The following STEAP1B variants were observed in gnomAD, a reference collection of about 807,000 sequenced individuals.
The protein encoded by STEAP1B is STEAP family protein MGC87042.
In STEAP1B, 13 loss-of-function variants were observed where a neutral mutation model predicts 27.9. The observed-to-expected ratio is 0.47, with a 90% CI of 0.30 to 0.74. The LOEUF (loss-of-function observed/expected upper bound fraction) is 0.74. STEAP1B is among the 30% of genes least tolerant of loss of function. The pLI, the probability that STEAP1B is intolerant of heterozygous loss-of-function variation, is 0.06. For missense variants in STEAP1B, 250 were observed against 298.7 expected, an observed-to-expected ratio of 0.84 and a Z score of 1.20; for synonymous variants, 86 against 107.1, an observed-to-expected ratio of 0.80 and a Z score of 1.22.
At chr7:22,452,306 G>C (rs948392295) in intron 4 of STEAP1B, among the ~76,000 whole-genome samples, 1 of 152,112 alleles carries the variant, frequency 6.6e-6, no homozygotes, top group African/African-American at 2.4e-5. Flanking sequence ...GAACGCTCCT[G>C]AGACCCTCCA....
intron 4 of STEAP1B, among the ~76,000 whole-genome samples, chr7:22,439,507 T>C (rs1234210250): frequency 6.6e-6 from 1 of 152,136 alleles, no homozygotes; most frequent in East Asian, 1.9e-4. Flanking sequence ...ACGTCTGACA[T>C]TGTTGGGACT....
At position 22,419,855 on chromosome 7, in the gene STEAP1B, G is replaced by C; in HGVS notation, c.763-19C>G. The C allele has an allele frequency of 6.5e-7, 1 of 1,549,240 alleles. No individual in the cohort carries two copies. Among genetic ancestry groups the C allele is most frequent in the Non-Finnish European group, 8.7e-7 (1 of 1,145,510 alleles). On this transcript the variant is annotated intron_variant, in intron 4 of 4. Transcript: ENST00000678116. The stretch of plus-strand genomic sequence containing the variant: ...CATGTACCTGGAAGGCAGACAGCAA[G>C]AAAGAGTTGATGTATAGAAGTAGTG...
intron 4 of STEAP1B, among the ~76,000 whole-genome samples, chr7:22,429,878 C>A (rs1785156028): frequency 6.6e-6 from 1 of 151,966 alleles, no homozygotes; most frequent in African/African-American, 2.4e-5. Context: ...AGGCCTGACA[C>A]AGGTTGGGCA....
intron 4 of STEAP1B, among the ~76,000 whole-genome samples, chr7:22,483,452 C>T (rs1041456725): frequency 6.6e-6 from 1 of 152,190 alleles, no homozygotes; most frequent in Non-Finnish European, 1.5e-5. Context: ...AGGCATTCCT[C>T]GTTTTCTGCT....
chr7:22,461,450 AG>A (rs1163019055), intron 4 of STEAP1B, among the ~76,000 whole-genome samples: 2 of 151,998 alleles, frequency 1.3e-5, no homozygotes, highest in Non-Finnish European at 2.9e-5. Flanking sequence ...TTTAGTAGAG[AG>A]GGGGTTTCAC....
chr7:22,446,899 G>A (rs965649610), intron 4 of STEAP1B, among the ~76,000 whole-genome samples: 1 of 152,182 alleles, frequency 6.6e-6, no homozygotes, highest in Non-Finnish European at 1.5e-5. Flanking sequence ...CTGGCACATT[G>A]TAGAAACTTG....
Position 22,419,535 on chromosome 7 carries a change from G to A in STEAP1B, c.*269C>T, listed in dbSNP as rs984105626. The A allele has an allele frequency of 1.7e-5, 5 of 297,604 alleles. No homozygotes were observed. Among genetic ancestry groups the A allele is most frequent in the Non-Finnish European group, 2.5e-5 (4 of 160,744 alleles). The allele number at this position is 297,604 out of a possible 1,614,324, so 18.4% of individuals were successfully genotyped here. A position where few individuals can be genotyped will look rare whatever the true frequency, so the allele number is the denominator to read the frequency against. On this transcript the variant is annotated 3_prime_UTR_variant, in exon 5 of 5. Transcript: ENST00000678116. The stretch of plus-strand genomic sequence containing the variant: ...TTATCATGTCTGATCCTCGTGTCGG[G>A]ATAGGCTAGGTTAGGCTCCGTAACA...
chr7:22,447,473 T>C (rs770947473), intron 4 of STEAP1B, among the ~76,000 whole-genome samples: 13 of 152,240 alleles, frequency 8.5e-5, no homozygotes, highest in Non-Finnish European at 1.5e-5. Flanking sequence ...ATATTTTATA[T>C]AATACATAGT....
chr7:22,492,852 A>C (rs1038345432), intron 3 of STEAP1B, 123 bp from the exon 4 acceptor site: 1 of 1,409,612 alleles, frequency 7.1e-7, no homozygotes. Flanking sequence ...CCACAAATTT[A>C]TGACTTTTTC....
chr7:22,454,858 T>TATAAATATAAATATAA (rs1785550780), intron 4 of STEAP1B, among the ~76,000 whole-genome samples: 1 of 67,828 alleles, frequency 1.5e-5, no homozygotes, highest in African/African-American at 7.1e-5. Flanking sequence ...TGTATATATA[T>TATAAATATAAATATAA]ATATATATTT....
chr7:22,482,830 T>C (rs2128414217), intron 4 of STEAP1B, among the ~76,000 whole-genome samples: 1 of 152,314 alleles, frequency 6.6e-6, no homozygotes, highest in Admixed American at 6.5e-5. Flanking sequence ...CACACACTCC[T>C]ACTAGCAATC....
intron 4 of STEAP1B, among the ~76,000 whole-genome samples, chr7:22,430,960 C>T (rs1363943102): frequency 6.6e-6 from 1 of 152,234 alleles, no homozygotes; most frequent in African/African-American, 2.4e-5. Context: ...GTCTCCCTGT[C>T]ACTGACATTG....
At chr7:22,443,956 C>T (rs1785371542) in intron 4 of STEAP1B, among the ~76,000 whole-genome samples, 1 of 152,352 alleles carries the variant, frequency 6.6e-6, no homozygotes, top group African/African-American at 2.4e-5. Flanking sequence ...CATAAACTGA[C>T]CCTCAGGGGG....
chr7:22,476,545 A>G (rs990108739), intron 4 of STEAP1B, among the ~76,000 whole-genome samples: 9 of 152,218 alleles, frequency 5.9e-5, no homozygotes, highest in Non-Finnish European at 2.9e-5. Context: ...AATCCCCTGT[A>G]TAGTCCACAT....
chr7:22,440,341 C>T (rs960607134), intron 4 of STEAP1B, among the ~76,000 whole-genome samples: 2 of 152,104 alleles, frequency 1.3e-5, no homozygotes, highest in African/African-American at 4.8e-5. Context: ...TTCAATTTTA[C>T]AACATTTAAC....
chr7:22,469,297 T>C lies in STEAP1B; in HGVS notation c.762+23268A>G, dbSNP rs1785839554. ...GGGATATAATGATGTTATACAGCTG[T>C]ACAGCATGTTTTAAGCTAAGTGTTA... On this transcript the variant is annotated intron_variant, in intron 4 of 4. Coordinates refer to ENST00000678116, the MANE Select transcript of STEAP1B (RefSeq NM_001382447.1). Among the ~76,000 whole-genome samples the C allele has an allele frequency of 3.3e-5, 5 of 152,348 alleles. No homozygotes were observed. In the South Asian group the frequency reaches 1.0e-3, roughly 32 times the overall value.
chr7:22,457,378 A>G (rs1205133104), intron 4 of STEAP1B, among the ~76,000 whole-genome samples: 8 of 152,216 alleles, frequency 5.3e-5, no homozygotes. Context: ...AATTGTTACA[A>G]TTAGCCAATT....
At chr7:22,427,866 G>C (rs1421716404) in intron 4 of STEAP1B, among the ~76,000 whole-genome samples, 1 of 152,198 alleles carries the variant, frequency 6.6e-6, no homozygotes, top group Non-Finnish European at 1.5e-5. Context: ...AGAAATAGTA[G>C]AAATCAAAGA....
chr7:22,421,010 A>C (rs1032707196), intron 4 of STEAP1B, among the ~76,000 whole-genome samples: 4 of 152,258 alleles, frequency 2.6e-5, no homozygotes, highest in Non-Finnish European at 5.9e-5. Flanking sequence ...TAGAGAACAT[A>C]CTAGAAGAAT....
Sources: allele counts gnomAD v4.1 joint callset (sites outside exome capture counted in the v4.1 genomes callset), GRCh38; gene constraint gnomAD v4.1.1; transcripts MANE v1.5; gene names NCBI Gene and HGNC (gene_info 2026-07-23, HGNC 2026-07-21).